The following FARS2 variants were observed in gnomAD, a reference collection of about 807,000 sequenced individuals.
FARS2 encodes the protein phenylalanine--tRNA ligase, mitochondrial.
A neutral mutation model predicts 46.4 loss-of-function variants in FARS2; 40 were observed. The observed-to-expected ratio is 0.86, with a 90% confidence interval of 0.67 to 1.12. The LOEUF is 1.12. Among genes scored for constraint, FARS2 ranks in the 50% most tolerant of loss-of-function variants. FARS2 has a pLI of 0.00. For missense variants in FARS2, 513 were observed against 567.9 expected, an observed-to-expected ratio of 0.90 and a Z score of 0.98; for synonymous variants, 234 against 214.9, an observed-to-expected ratio of 1.09 and a Z score of -0.78.
chr6:5,728,081 G>A lies in FARS2; in HGVS notation c.1218-43210G>A, dbSNP rs767640606. ...GCCCCTCGATGAACTAACAGGGTCC[G>A]AGAACATTTGCAAATTGGTCATTAA... is the stretch of plus-strand genomic sequence containing the variant. On this transcript the variant is annotated intron_variant, in intron 6 of 6. Transcript: ENST00000274680. Among the ~76,000 whole-genome samples, 7 of 152,220 alleles carry A rather than the reference G, an allele frequency of 4.6e-5. 1 individual carries two copies. Among genetic ancestry groups the A allele is most frequent in the Admixed American group, 2.6e-4 (4 of 15,284 alleles).
At chr6:5,346,701 T>C (rs1159398139) in intron 1 of FARS2, among the ~76,000 whole-genome samples, 3 of 152,232 alleles carry the variant, frequency 2.0e-5, no homozygotes, top group African/African-American at 7.2e-5. Context: ...ATTACTGTAC[T>C]TGCTTTATAT....
intron 1 of FARS2, among the ~76,000 whole-genome samples, chr6:5,282,965 G>A (rs968297015): frequency 1.3e-5 from 2 of 152,116 alleles, no homozygotes; most frequent in Admixed American, 6.5e-5. Flanking sequence ...GGCCAGGCAC[G>A]GTGGCTTACA....
chr6:5,410,548 T>G (rs1006529253), intron 3 of FARS2, among the ~76,000 whole-genome samples: 3 of 152,176 alleles, frequency 2.0e-5, no homozygotes, highest in Non-Finnish European at 4.4e-5. Flanking sequence ...AATTAAGTAA[T>G]TTTGCTAGCT....
intron 6 of FARS2, among the ~76,000 whole-genome samples, chr6:5,626,830 T>C (rs1489454695): frequency 6.6e-6 from 1 of 152,242 alleles, no homozygotes; most frequent in African/African-American, 2.4e-5. Flanking sequence ...GATTTTGTTA[T>C]GTAAGTATTA....
intron 1 of FARS2, among the ~76,000 whole-genome samples, chr6:5,342,965 C>T (rs531232819): frequency 6.6e-5 from 10 of 152,010 alleles, no homozygotes; most frequent in South Asian, 2.1e-4. Context: ...TGGGTCCATT[C>T]GCTAGGTATA....
intron 4 of FARS2, among the ~76,000 whole-genome samples, chr6:5,514,850 C>T (rs1768688415): frequency 6.6e-6 from 1 of 151,806 alleles, no homozygotes; most frequent in South Asian, 2.1e-4. Flanking sequence ...CAACTGCAGC[C>T]TCAACCTCCT....
chr6:5,626,320 C>T (rs1246404170), intron 6 of FARS2, among the ~76,000 whole-genome samples: 9 of 152,150 alleles, frequency 5.9e-5, no homozygotes, highest in African/African-American at 2.2e-4. Flanking sequence ...CGCCACCTAC[C>T]TGCTGTCATG....
chr6:5,340,867 G>A (rs1310674261), intron 1 of FARS2, among the ~76,000 whole-genome samples: 3 of 151,982 alleles, frequency 2.0e-5, no homozygotes, highest in Admixed American at 1.3e-4. Context: ...GGATGAGGAG[G>A]CCGGGCGCGG....
intron 6 of FARS2, among the ~76,000 whole-genome samples, chr6:5,723,351 G>A (rs1429539631): frequency 2.6e-5 from 4 of 151,978 alleles, no homozygotes; most frequent in African/African-American, 9.7e-5. Flanking sequence ...CAAATATCAA[G>A]TGTAGTATCA....
intron 6 of FARS2, among the ~76,000 whole-genome samples, chr6:5,708,574 T>G (rs1321339249): frequency 6.6e-6 from 1 of 152,242 alleles, no homozygotes; most frequent in Non-Finnish European, 1.5e-5. Flanking sequence ...GTAAAGCCTC[T>G]GGTCAAACCA....
intron 6 of FARS2, among the ~76,000 whole-genome samples, chr6:5,680,836 A>G (rs1287633198): frequency 6.7e-6 from 1 of 148,720 alleles, no homozygotes; most frequent in Admixed American, 6.7e-5. Context: ...CAGCAGCTCA[A>G]TAAAAACAGT....
intron 3 of FARS2, among the ~76,000 whole-genome samples, chr6:5,422,585 G>A (rs749220755): frequency 6.6e-6 from 1 of 152,274 alleles, no homozygotes; most frequent in Non-Finnish European, 1.5e-5. Flanking sequence ...TGTAAACTGA[G>A]ATTAGATACG....
chr6:5,735,214 A>G (rs1349901339), intron 6 of FARS2, among the ~76,000 whole-genome samples: 2 of 152,254 alleles, frequency 1.3e-5, no homozygotes, highest in Non-Finnish European at 2.9e-5. Flanking sequence ...ATGTCTATGT[A>G]TGAATGACTC....
intron 1 of FARS2, among the ~76,000 whole-genome samples, chr6:5,319,061 G>T (rs1392339872): frequency 2.0e-5 from 3 of 152,104 alleles, no homozygotes; most frequent in African/African-American, 4.8e-5. Context: ...TGTTAGGAGG[G>T]GTTGTGAGAG....
chr6:5,335,551 T>G (rs1392871419), intron 1 of FARS2, among the ~76,000 whole-genome samples: 1 of 152,216 alleles, frequency 6.6e-6, no homozygotes, highest in Non-Finnish European at 1.5e-5. Flanking sequence ...GCTCTTTTTT[T>G]GGGAACAAAT....
At chr6:5,340,329 G>A (rs1241971899) in intron 1 of FARS2, among the ~76,000 whole-genome samples, 10 of 152,152 alleles carry the variant, frequency 6.6e-5, no homozygotes, top group East Asian at 1.9e-4. Context: ...AGAAGGATGC[G>A]TGCGTATACC....
chr6:5,519,143 A>G (rs1236383196), intron 4 of FARS2, among the ~76,000 whole-genome samples: 6 of 152,222 alleles, frequency 3.9e-5, no homozygotes. Flanking sequence ...GATGGTGACC[A>G]GGCTCTAACC....
chr6:5,705,770 GC>G (rs1046121567), intron 6 of FARS2, among the ~76,000 whole-genome samples: 3 of 152,044 alleles, frequency 2.0e-5, no homozygotes, highest in African/African-American at 7.3e-5. Flanking sequence ...CTCAGCTCGC[GC>G]CCCTGTGCCT....
At chr6:5,442,191 A>C (rs1401818595) in intron 4 of FARS2, among the ~76,000 whole-genome samples, 2 of 152,144 alleles carry the variant, frequency 1.3e-5, no homozygotes, top group African/African-American at 4.8e-5. Context: ...GTTTGAACAC[A>C]ATTTTATATA....
Sources: allele counts gnomAD v4.1 joint callset (sites outside exome capture counted in the v4.1 genomes callset), GRCh38; gene constraint gnomAD v4.1.1; transcripts MANE v1.5; gene names NCBI Gene and HGNC (gene_info 2026-07-23, HGNC 2026-07-21).